The following DOCK4 variants were observed in gnomAD, a reference collection of about 807,000 sequenced individuals.
DOCK4 encodes the protein dedicator of cytokinesis 4.
A neutral mutation model predicts 268.1 loss-of-function variants in DOCK4; 97 were observed. The ratio of observed to expected loss-of-function variants is 0.36; its 90% CI spans 0.31 to 0.43. DOCK4 has a LOEUF of 0.43. Among genes scored for constraint, DOCK4 ranks in the 20% least tolerant of loss-of-function variants. The pLI, the probability that DOCK4 is intolerant of heterozygous loss-of-function variation, is 1.00. For synonymous variants in DOCK4, 954 were observed against 887.2 expected (o/e 1.08, Z -1.34); for missense variants, 2,145 against 2,455.7 (o/e 0.87, Z 2.67).
chr7:111,732,122 C>A (rs765466935), intron 52 of DOCK4, 104 bp downstream of exon 52: 1 of 1,161,838 alleles, frequency 8.6e-7, no homozygotes, highest in South Asian at 1.4e-5. Flanking sequence ...AGTTCTTTGC[C>A]TGGTCCCTGC....
intron 1 of DOCK4, among the ~76,000 whole-genome samples, chr7:112,124,127 C>T (rs909554339): frequency 4.6e-5 from 7 of 152,084 alleles, no homozygotes; most frequent in East Asian, 1.9e-4. Flanking sequence ...TGGTCTCAAG[C>T]GATACTCCCA....
At chr7:111,748,322 G>A (rs1380424938) in intron 42 of DOCK4, among the ~76,000 whole-genome samples, 1 of 152,100 alleles carries the variant, frequency 6.6e-6, no homozygotes, top group African/African-American at 2.4e-5. Flanking sequence ...AAGACAAAGA[G>A]AAGGGAAGAT....
At chr7:111,866,129 G>A (rs1306145667) in intron 22 of DOCK4, among the ~76,000 whole-genome samples, 1 of 152,186 alleles carries the variant, frequency 6.6e-6, no homozygotes, top group African/African-American at 2.4e-5. Context: ...ATGGTCATTT[G>A]TTACACAGCA....
intron 1 of DOCK4, among the ~76,000 whole-genome samples, chr7:112,192,929 T>G (rs138030527): frequency 4.0e-4 from 61 of 152,152 alleles, no homozygotes; most frequent in African/African-American, 1.4e-3. Flanking sequence ...AGGAAACACA[T>G]ACTTAAGGAT....
chr7:111,733,360 G>GT (rs1795241576), intron 51 of DOCK4, among the ~76,000 whole-genome samples: 1 of 152,240 alleles, frequency 6.6e-6, no homozygotes, highest in African/African-American at 2.4e-5. Flanking sequence ...TAAGGGGTCA[G>GT]TGAGAGTGCT....
intron 1 of DOCK4, among the ~76,000 whole-genome samples, chr7:112,087,222 T>A (rs1234921575): frequency 7.9e-5 from 12 of 152,112 alleles, no homozygotes; most frequent in Non-Finnish European, 5.9e-5. Flanking sequence ...CAGACTTATG[T>A]ATTAACTGTA....
chr7:111,860,694 A>T lies in DOCK4; in HGVS notation c.2473+2678T>A, dbSNP rs183380020. Among the ~76,000 whole-genome samples, 403 of 152,266 alleles carry T rather than the reference A, an allele frequency of 2.6e-3. 7 individuals carry two copies. The highest frequency in any genetic ancestry group is 0.025 in the Admixed American group (385 of 15,302). On this transcript the variant is annotated intron_variant, in intron 23 of 52. Transcript: ENST00000428084. Reference sequence around the variant, plus strand: ...TCCAGGGCACTGGCACAGACCCTGCAGGGTCAACATTTCTTGGGTCTCATG... The same window carrying T: ...TCCAGGGCACTGGCACAGACCCTGCTGGGTCAACATTTCTTGGGTCTCATG...
chr7:112,088,473 A>G lies in DOCK4; in HGVS notation c.38-84342T>C, dbSNP rs558163676. On this transcript the variant is annotated intron_variant, in intron 1 of 52. Transcript: ENST00000428084. ...TGCACACATATATACATACACATAG[A>G]AACACCCAAACTCCTAAGTGAAAAT... Among the ~76,000 whole-genome samples the G allele has an allele frequency of 5.9e-5, 9 of 152,286 alleles. No individual in the cohort carries two copies. The South Asian group carries it at 1.9e-3, about 32-fold the overall frequency.
intron 4 of DOCK4, among the ~76,000 whole-genome samples, chr7:111,996,215 G>A (rs1316183249): frequency 6.6e-6 from 1 of 152,138 alleles, no homozygotes; most frequent in Admixed American, 6.5e-5. Context: ...TTGATCTGAA[G>A]ACACAAGAAA....
intron 8 of DOCK4, among the ~76,000 whole-genome samples, chr7:111,950,295 C>T (rs1316316011): frequency 6.6e-6 from 1 of 152,196 alleles, no homozygotes; most frequent in East Asian, 1.9e-4. Flanking sequence ...TGTGGCCACA[C>T]AGAAATATGT....
intron 52 of DOCK4, among the ~76,000 whole-genome samples, chr7:111,729,917 G>T (rs1268308049): frequency 6.6e-6 from 1 of 152,228 alleles, no homozygotes; most frequent in African/African-American, 2.4e-5. Flanking sequence ...ACCTAATTTA[G>T]TTAATTTTTA....
chr7:111,904,224 C>T (rs770525830), intron 13 of DOCK4, among the ~76,000 whole-genome samples: 2 of 152,120 alleles, frequency 1.3e-5, no homozygotes, highest in Non-Finnish European at 2.9e-5. Flanking sequence ...ATTTATTCAA[C>T]GAATGTTTCT....
intron 1 of DOCK4, among the ~76,000 whole-genome samples, chr7:112,121,195 T>C (rs983491454): frequency 6.6e-6 from 1 of 152,248 alleles, no homozygotes; most frequent in Non-Finnish European, 1.5e-5. Flanking sequence ...GGATCTGAAC[T>C]TGGTCAGCCT....
At chr7:111,983,787 A>C (rs1434816988) in intron 7 of DOCK4, among the ~76,000 whole-genome samples, 1 of 151,756 alleles carries the variant, frequency 6.6e-6, no homozygotes, top group Non-Finnish European at 1.5e-5. Flanking sequence ...TTGAAGACTA[A>C]GGAGGAGACC....
chr7:112,143,436 T>C (rs1379506639), intron 1 of DOCK4, among the ~76,000 whole-genome samples: 1 of 152,210 alleles, frequency 6.6e-6, no homozygotes, highest in Non-Finnish European at 1.5e-5. Flanking sequence ...GCAGACGTCA[T>C]TTAAATTGAA....
At chr7:111,928,764 T>G (rs953872041) in intron 12 of DOCK4, among the ~76,000 whole-genome samples, 1 of 151,984 alleles carries the variant, frequency 6.6e-6, no homozygotes, top group Non-Finnish European at 1.5e-5. Context: ...AATTTTTGTA[T>G]TTTTAGTAGA....
intron 34 of DOCK4, among the ~76,000 whole-genome samples, chr7:111,783,263 G>A (rs1297174772): frequency 6.6e-6 from 1 of 152,162 alleles, no homozygotes; most frequent in African/African-American, 2.4e-5. Context: ...ACTTCCTACA[G>A]TAGGGTGAGA....
At chr7:111,987,834 C>T (rs998057535) in intron 6 of DOCK4, among the ~76,000 whole-genome samples, 1 of 152,212 alleles carries the variant, frequency 6.6e-6, no homozygotes, top group Non-Finnish European at 1.5e-5. Context: ...TTTTATTTCT[C>T]ACAGGAATGA....
intron 1 of DOCK4, among the ~76,000 whole-genome samples, chr7:112,201,697 A>G (rs1587049942): frequency 6.6e-6 from 1 of 152,150 alleles, no homozygotes; most frequent in East Asian, 1.9e-4. Context: ...AGATGAGGAC[A>G]TGCAGGAGGT....
Sources: allele counts gnomAD v4.1 joint callset (sites outside exome capture counted in the v4.1 genomes callset), GRCh38; gene constraint gnomAD v4.1.1; transcripts MANE v1.5; gene names NCBI Gene and HGNC (gene_info 2026-07-23, HGNC 2026-07-21).